Variants in PDE1A observed in about 807,000 individuals in gnomAD.
PDE1A encodes phosphodiesterase 1A, also known as dual specificity calcium/calmodulin-dependent 3',5'-cyclic nucleotide phosphodiesterase 1A.
PDE1A carries 35 observed loss-of-function variants against 61.7 expected under a neutral mutation model. The ratio of observed to expected loss-of-function variants is 0.57; its 90% CI spans 0.43 to 0.75. The LOEUF is 0.75. Among genes scored for constraint, PDE1A ranks in the 30% least tolerant of loss-of-function variants. The pLI is 0.00. For missense variants in PDE1A, 597 were observed against 630.6 expected, an observed-to-expected ratio of 0.95 and a Z score of 0.57; for synonymous variants, 232 against 213.2, an observed-to-expected ratio of 1.09 and a Z score of -0.77.
At chr2:182,162,254 C>T (rs547011244) in intron 13 of PDE1A, among the ~76,000 whole-genome samples, 14 of 152,184 alleles carry the variant, frequency 9.2e-5, no homozygotes, top group African/African-American at 2.6e-4. Flanking sequence ...AGGAGCCAAG[C>T]GATGGCACTC....
At chr2:182,563,715 A>G in the PDE1A span, among the ~76,000 whole-genome samples, 6 of 152,232 alleles carry the variant, frequency 3.9e-5, no homozygotes, top group Middle Eastern at 0.017. Context: ...GTCACTCAGG[A>G]CTTGCTTTAT....
At chr2:182,456,019 T>C (rs780423524) in intron 2 of PDE1A, among the ~76,000 whole-genome samples, 21 of 152,088 alleles carry the variant, frequency 1.4e-4, no homozygotes, top group East Asian at 1.9e-4. Flanking sequence ...ATTAAACTTA[T>C]GCATTTATTC....
chr2:182,404,334 T>C (rs1421023055), intron 1 of PDE1A, among the ~76,000 whole-genome samples: 1 of 152,228 alleles, frequency 6.6e-6, no homozygotes, highest in Non-Finnish European at 1.5e-5. Context: ...GCTCTCAAAA[T>C]GATATCCCAG....
At chr2:182,342,976 C>T (rs541792036) in intron 1 of PDE1A, among the ~76,000 whole-genome samples, 72 of 152,218 alleles carry the variant, frequency 4.7e-4, no homozygotes, top group Non-Finnish European at 7.5e-4. Context: ...CACATACATG[C>T]GTTCACATAT....
At chr2:182,203,963 A>G (rs973004882) in intron 8 of PDE1A, among the ~76,000 whole-genome samples, 1 of 152,144 alleles carries the variant, frequency 6.6e-6, no homozygotes, top group Non-Finnish European at 1.5e-5. Context: ...CTTTAAAAAC[A>G]TTCAATTAAA....
the PDE1A span, among the ~76,000 whole-genome samples, chr2:182,594,410 G>A: frequency 7.2e-5 from 11 of 152,280 alleles, no homozygotes; most frequent in Admixed American, 5.9e-4. Flanking sequence ...AGTCCTCACA[G>A]CAACTCCTAC....
chr2:182,180,701 C>T (rs1185085635), intron 13 of PDE1A, among the ~76,000 whole-genome samples: 1 of 151,748 alleles, frequency 6.6e-6, no homozygotes, highest in African/African-American at 2.4e-5. Context: ...ATTCCATTCT[C>T]CCAGTCTCTT....
chr2:182,445,916 G>A (rs1015805538), intron 2 of PDE1A, among the ~76,000 whole-genome samples: 6 of 152,008 alleles, frequency 3.9e-5, no homozygotes, highest in Non-Finnish European at 8.8e-5. Context: ...TTTGGCATCA[G>A]AAGAGAATTT....
intron 1 of PDE1A, among the ~76,000 whole-genome samples, chr2:182,312,291 T>C (rs952256425): frequency 6.6e-6 from 1 of 152,132 alleles, no homozygotes; most frequent in Non-Finnish European, 1.5e-5. Flanking sequence ...ACCTTTGTGG[T>C]TTTTAAATAG....
At chr2:182,544,117 C>G in the PDE1A span, among the ~76,000 whole-genome samples, 3 of 152,172 alleles carry the variant, frequency 2.0e-5, no homozygotes, top group Non-Finnish European at 2.9e-5. Flanking sequence ...AAATAAGTGA[C>G]CTGGTTCAAG....
the PDE1A span, among the ~76,000 whole-genome samples, chr2:182,673,787 A>G: frequency 4.0e-5 from 6 of 151,720 alleles, no homozygotes; most frequent in Non-Finnish European, 7.4e-5. Flanking sequence ...AGCCAAGAAT[A>G]CTATAATAGG....
intron 1 of PDE1A, among the ~76,000 whole-genome samples, chr2:182,272,759 G>A (rs1053687662): frequency 9.9e-5 from 15 of 152,054 alleles, no homozygotes; most frequent in African/African-American, 3.1e-4. Flanking sequence ...TTGGAAATTC[G>A]TTTTGACAGA....
intron 1 of PDE1A, among the ~76,000 whole-genome samples, chr2:182,335,921 GA>G (rs569300513): frequency 6.6e-6 from 1 of 151,748 alleles, no homozygotes; most frequent in Non-Finnish European, 1.5e-5. Flanking sequence ...AAATTTACAA[GA>G]AAAAAATAAA....
intron 1 of PDE1A, among the ~76,000 whole-genome samples, chr2:182,274,024 T>C (rs1315907719): frequency 3.3e-5 from 5 of 152,106 alleles, no homozygotes; most frequent in African/African-American, 1.2e-4. Flanking sequence ...GAGGGCCTTC[T>C]TCCCAGTTCA....
intron 1 of PDE1A, among the ~76,000 whole-genome samples, chr2:182,348,138 C>T (rs1698633095): frequency 6.6e-6 from 1 of 152,098 alleles, no homozygotes; most frequent in Non-Finnish European, 1.5e-5. Context: ...GCTATAATCA[C>T]AGATCTTTAA....
rs190278561 is a variant in PDE1A, at chr2:182,273,707, T to C, written c.54-9293A>G. The stretch of plus-strand genomic sequence containing the variant: ...GTTGAGTACTTTTACAAAAATCAAA[T>C]TAAATTGTGGCTTAGAAAGAATGAA... On this transcript the variant is annotated intron_variant, in intron 1 of 13. Transcript: ENST00000351439. Among the ~76,000 whole-genome samples, 366 of 152,106 alleles carry C rather than the reference T, an allele frequency of 2.4e-3. 1 individual carries two copies. The highest frequency in any genetic ancestry group is 8.5e-3 in the African/African-American group (355 of 41,524).
intron 13 of PDE1A, among the ~76,000 whole-genome samples, chr2:182,176,588 G>C (rs929128047): frequency 6.7e-6 from 1 of 149,244 alleles, no homozygotes; most frequent in African/African-American, 2.5e-5. Context: ...ATTTTGGGCT[G>C]TGACCATGGG....
intron 1 of PDE1A, among the ~76,000 whole-genome samples, chr2:182,387,024 T>A (rs1162809530): frequency 6.6e-6 from 1 of 152,194 alleles, no homozygotes; most frequent in African/African-American, 2.4e-5. Context: ...TATTGCTGTG[T>A]CTGTGTGGAA....
At chr2:182,362,491 G>C (rs777786190) in intron 1 of PDE1A, among the ~76,000 whole-genome samples, 15 of 152,036 alleles carry the variant, frequency 9.9e-5, no homozygotes, top group Non-Finnish European at 1.8e-4. Context: ...ACAGGGCTGA[G>C]AGGGTTCCCA....
Sources: allele counts gnomAD v4.1 joint callset (sites outside exome capture counted in the v4.1 genomes callset), GRCh38; gene constraint gnomAD v4.1.1; transcripts MANE v1.5; gene names NCBI Gene and HGNC (gene_info 2026-07-23, HGNC 2026-07-21).